DPP10: variants seen among roughly 807,000 people sequenced by gnomAD.
DPP10 encodes inactive dipeptidyl peptidase 10.
In DPP10, 33 loss-of-function variants were observed where a neutral mutation model predicts 120.9. That is an observed-to-expected ratio of 0.27 (90% CI 0.21 to 0.37). The LOEUF is 0.37. Ranked by LOEUF, DPP10 falls within the 10% of genes least tolerant of loss-of-function variation. The pLI, the probability that DPP10 is intolerant of heterozygous loss-of-function variation, is 1.00. For missense variants in DPP10, 816 were observed against 942.8 expected, an observed-to-expected ratio of 0.87 and a Z score of 1.76; for synonymous variants, 337 against 326.1, an observed-to-expected ratio of 1.03 and a Z score of -0.36.
chr2:114,611,146 G>A (rs1693255835), intron 1 of DPP10, among the ~76,000 whole-genome samples: 1 of 152,072 alleles, frequency 6.6e-6, no homozygotes, highest in South Asian at 2.1e-4. Context: ...GGCATGACAA[G>A]GTTCAGGCAC....
At chr2:115,474,707 C>T (rs2074958562) in intron 3 of DPP10, among the ~76,000 whole-genome samples, 1 of 143,812 alleles carries the variant, frequency 7.0e-6, no homozygotes, top group Non-Finnish European at 1.5e-5. Flanking sequence ...ATTGGACAAT[C>T]TGCACCCTGA....
intron 2 of DPP10, among the ~76,000 whole-genome samples, chr2:115,325,352 A>G (rs1056936794): frequency 2.0e-5 from 3 of 152,210 alleles, no homozygotes; most frequent in African/African-American, 7.2e-5. Context: ...ATAATGAAGT[A>G]ATAAATAATA....
intron 1 of DPP10, among the ~76,000 whole-genome samples, chr2:114,476,908 T>A (rs1486585930): frequency 6.6e-6 from 1 of 152,116 alleles, no homozygotes; most frequent in Non-Finnish European, 1.5e-5. Flanking sequence ...AAAACCATTG[T>A]CTTGACTTCT....
At chr2:115,152,317 A>G (rs1448386210) in intron 1 of DPP10, among the ~76,000 whole-genome samples, 7 of 152,256 alleles carry the variant, frequency 4.6e-5, no homozygotes, top group African/African-American at 1.4e-4. Context: ...AACAGAAAGT[A>G]GACTGGATTT....
At chr2:115,288,759 A>G (rs1186466704) in intron 1 of DPP10, among the ~76,000 whole-genome samples, 2 of 151,944 alleles carry the variant, frequency 1.3e-5, no homozygotes, top group African/African-American at 4.8e-5. Flanking sequence ...GAAACAAACA[A>G]CCGTCAACCA....
intron 1 of DPP10, among the ~76,000 whole-genome samples, chr2:114,859,799 A>G (rs74325309): frequency 0.022 from 3,336 of 152,270 alleles, 124 homozygotes; most frequent in African/African-American, 0.076. Flanking sequence ...AACCTAATAG[A>G]TATTTAACTG....
At chr2:115,816,975 G>T (rs899636370) in intron 21 of DPP10, among the ~76,000 whole-genome samples, 1 of 150,092 alleles carries the variant, frequency 6.7e-6, no homozygotes, top group African/African-American at 2.4e-5. Context: ...AAGGCCAGGC[G>T]CGGTGGCTCA....
chr2:115,592,751 T>C (rs948373746), intron 5 of DPP10, among the ~76,000 whole-genome samples: 1 of 150,998 alleles, frequency 6.6e-6, no homozygotes, highest in African/African-American at 2.4e-5. Flanking sequence ...TGACACTCGG[T>C]CTCAAAAACA....
intron 1 of DPP10, among the ~76,000 whole-genome samples, chr2:114,558,204 T>C (rs1248095218): frequency 6.6e-6 from 1 of 152,196 alleles, no homozygotes; most frequent in East Asian, 1.9e-4. Flanking sequence ...TATTGCTCCA[T>C]GTTGAGATTG....
intron 1 of DPP10, among the ~76,000 whole-genome samples, chr2:115,178,637 G>A (rs1165504086): frequency 1.3e-5 from 2 of 152,168 alleles, no homozygotes; most frequent in African/African-American, 2.4e-5. Context: ...TTTATTAGCT[G>A]TTCTGTTTTG....
At chr2:115,500,369 C>T (rs1403577002) in intron 4 of DPP10, among the ~76,000 whole-genome samples, 1 of 151,716 alleles carries the variant, frequency 6.6e-6, no homozygotes, top group African/African-American at 2.4e-5. Flanking sequence ...ACAATACAGA[C>T]AAAATATAGT....
At chr2:114,443,586 A>G (rs886938471) in intron 1 of DPP10, among the ~76,000 whole-genome samples, 1 of 152,120 alleles carries the variant, frequency 6.6e-6, no homozygotes, top group African/African-American at 2.4e-5. Flanking sequence ...ATAAACGACC[A>G]GACTTCCAAT....
chr2:115,709,829 A>C (rs1256864809), intron 7 of DPP10, among the ~76,000 whole-genome samples: 1 of 152,158 alleles, frequency 6.6e-6, no homozygotes, highest in African/African-American at 2.4e-5. Flanking sequence ...GGTGCTTGGA[A>C]TCTCAGAAGA....
At chr2:114,452,157 A>G (rs1366109624) in intron 1 of DPP10, among the ~76,000 whole-genome samples, 1 of 152,086 alleles carries the variant, frequency 6.6e-6, no homozygotes, top group Admixed American at 6.6e-5. Context: ...TTGCATATTT[A>G]TTGCTGATTC....
chr2:115,017,041 A>C (rs1394378704), intron 1 of DPP10, among the ~76,000 whole-genome samples: 1 of 118,902 alleles, frequency 8.4e-6, no homozygotes, highest in Non-Finnish European at 1.6e-5. Flanking sequence ...GGAACATCAC[A>C]CTCTGGGGAC....
chr2:115,435,373 A>G (rs1224980564), intron 3 of DPP10, among the ~76,000 whole-genome samples: 1 of 151,596 alleles, frequency 6.6e-6, no homozygotes, highest in Non-Finnish European at 1.5e-5. Context: ...ATTTTTGTCT[A>G]TTTGATAACA....
intron 1 of DPP10, among the ~76,000 whole-genome samples, chr2:115,208,650 C>A (rs2056314655): frequency 2.0e-5 from 3 of 152,016 alleles, no homozygotes. Flanking sequence ...GGGACTGTAG[C>A]AGGTGTTGGG....
At chr2:115,449,984 A>T (rs991430660) in intron 3 of DPP10, among the ~76,000 whole-genome samples, 2 of 152,070 alleles carry the variant, frequency 1.3e-5, no homozygotes, top group African/African-American at 4.8e-5. Context: ...AAGCCCAAGA[A>T]TTATTCATCA....
chr2:115,489,355 ACT>A (rs776040023), intron 3 of DPP10, among the ~76,000 whole-genome samples: 1 of 151,122 alleles, frequency 6.6e-6, no homozygotes, highest in Non-Finnish European at 1.5e-5. Flanking sequence ...GACCAAACAG[ACT>A]CTCTCTTGGC....
Sources: gnomAD v4.1 joint callset for allele counts (sites outside exome capture counted in the v4.1 genomes callset) on GRCh38, gnomAD v4.1.1 for gene constraint, MANE v1.5 for transcripts, NCBI Gene and HGNC (gene_info 2026-07-23, HGNC 2026-07-21) for gene names.